Variants in GREB1L observed in about 807,000 individuals in gnomAD.
The protein encoded by GREB1L is GREB1-like protein.
A neutral mutation model predicts 200.8 loss-of-function variants in GREB1L; 17 were observed. The ratio of observed to expected loss-of-function variants is 0.08; its 90% CI spans 0.06 to 0.13. The LOEUF (loss-of-function observed/expected upper bound fraction) is 0.13, where lower values mean the gene tolerates loss of function less well. Ranked by LOEUF, GREB1L falls within the 10% of genes least tolerant of loss-of-function variation. The pLI is 1.00. For synonymous variants in GREB1L, 789 were observed against 893.0 expected (o/e 0.88, Z 2.08); for missense variants, 1,657 against 2,367.7 (o/e 0.70, Z 6.23).
At chr18:21,321,986 T>C (rs1180446832) in intron 1 of GREB1L, among the ~76,000 whole-genome samples, 1 of 152,224 alleles carries the variant, frequency 6.6e-6, no homozygotes, top group African/African-American at 2.4e-5. Context: ...TATTAGCAGC[T>C]TGATTTATCA....
intron 4 of GREB1L, among the ~76,000 whole-genome samples, chr18:21,392,309 C>T (rs1180720220): frequency 1.3e-5 from 2 of 152,034 alleles, no homozygotes; most frequent in Non-Finnish European, 2.9e-5. Flanking sequence ...AACTTTCAAA[C>T]CTGTGAGCCC....
In GREB1L at chr18:21,525,012, G is replaced by GTGTGTGTATATATA. The variant is rs55641891; in HGVS notation, c.*2192_*2193insGTGTGTATATATAT. On this transcript the variant is annotated 3_prime_UTR_variant, in exon 33 of 33. Transcript: ENST00000424526. Reference sequence around the variant, plus strand: ...AAGCACAGGACACCATGATTTGTGTGTATATATATATATATCCTAGTGTGT... The same window carrying GTGTGTGTATATATA: ...AAGCACAGGACACCATGATTTGTGTGTGTGTGTATATATATATATATATATATATCCTAGTGTGT... The GTGTGTGTATATATA allele has an allele frequency of 9.0e-5, 13 of 145,122 alleles. No homozygotes were observed. The highest frequency in any genetic ancestry group is 3.2e-4 in the African/African-American group (13 of 40,128). The allele number at this position is 145,122 out of a possible 1,614,324, so 9.0% of individuals were successfully genotyped here. A position where few individuals can be genotyped will look rare whatever the true frequency, so the allele number is the denominator to read the frequency against.
At chr18:21,458,237 C>T (rs561448609) in intron 15 of GREB1L, among the ~76,000 whole-genome samples, 1 of 152,114 alleles carries the variant, frequency 6.6e-6, no homozygotes, top group Non-Finnish European at 1.5e-5. Flanking sequence ...TCCCAAAGTG[C>T]TGGGATTACA....
intron 1 of GREB1L, among the ~76,000 whole-genome samples, chr18:21,351,760 G>A (rs1319417827): frequency 6.6e-6 from 1 of 152,124 alleles, no homozygotes. Context: ...TCATCCTGCA[G>A]GTTATCAGTT....
intron 7 of GREB1L, among the ~76,000 whole-genome samples, chr18:21,415,116 A>G (rs1202479153): frequency 6.6e-6 from 1 of 152,180 alleles, no homozygotes; most frequent in Non-Finnish European, 1.5e-5. Flanking sequence ...AGAGAGCTGC[A>G]CAAAGAAGAG....
intron 1 of GREB1L, among the ~76,000 whole-genome samples, chr18:21,296,174 C>T (rs2144637949): frequency 6.6e-6 from 1 of 152,240 alleles, no homozygotes; most frequent in South Asian, 2.1e-4. Flanking sequence ...TGGAATCAGC[C>T]TAGGTGTCTG....
At chr18:21,434,977 C>T (rs2033444702) in intron 7 of GREB1L, 1 of 152,624 alleles carries the variant, frequency 6.6e-6, no homozygotes, top group South Asian at 2.1e-4. Flanking sequence ...GCTAATTCTG[C>T]AATCAATTTA....
At chr18:21,286,752 C>T (rs1186245278) in intron 1 of GREB1L, among the ~76,000 whole-genome samples, 1 of 152,218 alleles carries the variant, frequency 6.6e-6, no homozygotes, top group East Asian at 1.9e-4. Context: ...CCTGCCTTGG[C>T]CTCCCAAAGT....
At chr18:21,441,078 A>G (rs1175265256) in intron 9 of GREB1L, among the ~76,000 whole-genome samples, 1 of 152,216 alleles carries the variant, frequency 6.6e-6, no homozygotes, top group Admixed American at 6.5e-5. Context: ...TATGTAATGA[A>G]CAGATATATG....
chr18:21,433,581 C>T (rs1303420841), intron 7 of GREB1L, among the ~76,000 whole-genome samples: 2 of 152,180 alleles, frequency 1.3e-5, no homozygotes, highest in East Asian at 1.9e-4. Context: ...GCACTGGGTC[C>T]TTCCAGCAGA....
At chr18:21,516,907 T>G (rs1261760821) in intron 30 of GREB1L, among the ~76,000 whole-genome samples, 153 bp downstream of exon 30, 1 of 148,632 alleles carries the variant, frequency 6.7e-6, no homozygotes, top group Non-Finnish European at 1.5e-5. Flanking sequence ...AGACAGTCTG[T>G]CCCCTAGGCT....
chr18:21,406,462 T>C (rs957920602), intron 7 of GREB1L, among the ~76,000 whole-genome samples: 4 of 152,264 alleles, frequency 2.6e-5, no homozygotes, highest in Non-Finnish European at 4.4e-5. Flanking sequence ...AGAAAGTGCC[T>C]TTATAAGTGA....
At chr18:21,289,557 G>C (rs1404140935) in intron 1 of GREB1L, among the ~76,000 whole-genome samples, 2 of 151,976 alleles carry the variant, frequency 1.3e-5, no homozygotes, top group Non-Finnish European at 2.9e-5. Flanking sequence ...CAAAAAAAAG[G>C]CTTTCTGGTC....
chr18:21,321,557 G>A (rs1400432492), intron 1 of GREB1L, among the ~76,000 whole-genome samples: 2 of 151,476 alleles, frequency 1.3e-5, no homozygotes, highest in Non-Finnish European at 2.9e-5. Flanking sequence ...CATGGTGGCG[G>A]GCACCTGTAA....
chr18:21,404,011 T>C lies in GREB1L; in HGVS notation c.832+17T>C, dbSNP rs748951879. The C allele has an allele frequency of 4.5e-5, 70 of 1,548,416 alleles. No individual in the cohort carries two copies. The highest frequency in any genetic ancestry group is 6.0e-5 in the Non-Finnish European group (69 of 1,144,406). On this transcript the variant is annotated intron_variant, in intron 7 of 32. Transcript: ENST00000424526. Reference sequence around the variant, plus strand: ...CTCAGACAGGTATGGGATATTTTCTTTTGGCATTTCAAGCATCACATGTAT... The same window carrying C: ...CTCAGACAGGTATGGGATATTTTCTCTTGGCATTTCAAGCATCACATGTAT...
At chr18:21,378,764 T>C (rs7239571) in intron 2 of GREB1L, among the ~76,000 whole-genome samples, 22,603 of 152,280 alleles carry the variant, frequency 0.15, 3,618 homozygotes, top group African/African-American at 0.39. Context: ...CAGCAGGGAA[T>C]AGATACTTCC....
intron 2 of GREB1L, among the ~76,000 whole-genome samples, chr18:21,378,070 G>GA (rs554311873): frequency 1.3e-5 from 2 of 152,220 alleles, no homozygotes; most frequent in South Asian, 4.1e-4. Flanking sequence ...GACTAGTTTT[G>GA]AAAAGTATCT....
At chr18:21,315,019 G>C (rs1174641659) in intron 1 of GREB1L, among the ~76,000 whole-genome samples, 1 of 152,180 alleles carries the variant, frequency 6.6e-6, no homozygotes, top group Non-Finnish European at 1.5e-5. Flanking sequence ...TGTAGGTAGA[G>C]GGTAGAGAGG....
At position 21,466,066 on chromosome 18, in the gene GREB1L, A is replaced by G. The variant is rs531081546; in HGVS notation, c.2183-6965A>G. Among the ~76,000 whole-genome samples, 4 of 152,280 alleles carry G rather than the reference A, an allele frequency of 2.6e-5. No homozygotes were observed. In the South Asian group the frequency reaches 6.2e-4, roughly 24 times the overall value. ...CATTCTACGTATTCTCCTGTGATTT[A>G]TATTTTATGCTTAATGTTACGTCCC... On this transcript the variant is annotated intron_variant, in intron 15 of 32. Coordinates refer to ENST00000424526, the MANE Select transcript of GREB1L (RefSeq NM_001142966.3).
Sources: allele counts gnomAD v4.1 joint callset (sites outside exome capture counted in the v4.1 genomes callset), GRCh38; gene constraint gnomAD v4.1.1; transcripts MANE v1.5; gene names NCBI Gene and HGNC (gene_info 2026-07-23, HGNC 2026-07-21).